The following GPR107 variants were observed in gnomAD, a reference collection of about 807,000 sequenced individuals.
GPR107 encodes the protein G protein-coupled receptor 107.
In GPR107, 31 loss-of-function variants were observed where a neutral mutation model predicts 75.5. The observed-to-expected ratio is 0.41, with a 90% CI of 0.31 to 0.55. The LOEUF (loss-of-function observed/expected upper bound fraction) is 0.55. Among genes scored for constraint, GPR107 ranks in the 20% least tolerant of loss-of-function variants. The probability of loss-of-function intolerance (pLI) is 0.26; values close to 1 mark genes in which losing one functional copy is unlikely to be tolerated. For missense variants in GPR107, 572 were observed against 665.7 expected, an observed-to-expected ratio of 0.86 and a Z score of 1.55; for synonymous variants, 267 against 251.3, an observed-to-expected ratio of 1.06 and a Z score of -0.59.
rs1003875738 is a variant in GPR107 at position 130,103,169 on chromosome 9, A to G, written c.1132-1251A>G. ...GCTTCACGAGCAGTGTGGGACAGGG[A>G]AGGACCCAGAAGCTGGGGGTCATTG... On this transcript the variant is annotated intron_variant, in intron 12 of 17. Transcript: ENST00000347136. The surrounding 1 kb of genome is among the most constrained non-coding windows in gnomAD (Gnocchi z 4.3). Among the ~76,000 whole-genome samples the G allele has an allele frequency of 3.3e-5, 5 of 152,124 alleles. No homozygotes were observed. Among genetic ancestry groups the G allele is most frequent in the African/African-American group, 1.2e-4 (5 of 41,424 alleles).
Position 130,114,029 on chromosome 9 carries a change from C to CTTT in GPR107, c.1306+6508_1306+6510dup, listed in dbSNP as rs60616601. ...CAAAAATAATTCTGGTCTTCTCATT[C>CTTT]TTTTTTTTTTTTTTTTTTTTCATTT... On this transcript the variant is annotated intron_variant, in intron 14 of 17. Coordinates refer to ENST00000347136, the MANE Select transcript of GPR107 (RefSeq NM_020960.5). Among the ~76,000 whole-genome samples, 32 of 90,646 alleles carry CTTT rather than the reference C, an allele frequency of 3.5e-4. 1 individual carries two copies. The highest frequency in any genetic ancestry group is 5.3e-4 in the African/African-American group (12 of 22,510). 59.5% of individuals were successfully genotyped at this position (90,646 alleles called of 152,430 possible).
intron 15 of GPR107, among the ~76,000 whole-genome samples, chr9:130,126,266 A>G (rs1466711052): frequency 1.3e-5 from 2 of 151,796 alleles, no homozygotes; most frequent in Admixed American, 1.3e-4. Context: ...TTAGGATCAT[A>G]ATTTCTTGGA....
chr9:130,109,689 C>T (rs1372847921), intron 14 of GPR107, among the ~76,000 whole-genome samples: 2 of 151,906 alleles, frequency 1.3e-5, no homozygotes, highest in Non-Finnish European at 2.9e-5. Flanking sequence ...CCTGCCTCAG[C>T]CTCCCAAATA....
intron 7 of GPR107, among the ~76,000 whole-genome samples, chr9:130,088,119 A>G (rs1015962097): frequency 6.6e-6 from 1 of 152,140 alleles, no homozygotes; most frequent in Admixed American, 6.5e-5. Flanking sequence ...GAACCCTCCA[A>G]CAGCTTTCCA....
intron 1 of GPR107, among the ~76,000 whole-genome samples, chr9:130,070,510 G>GC (rs1830178924): frequency 6.6e-6 from 1 of 152,038 alleles, no homozygotes; most frequent in South Asian, 2.1e-4. Flanking sequence ...CGCCATGTTG[G>GC]CCAGGAGGGC....
At chr9:130,078,275 G>T (rs1256745782) in intron 4 of GPR107, among the ~76,000 whole-genome samples, 2 of 152,108 alleles carry the variant, frequency 1.3e-5, no homozygotes, top group Non-Finnish European at 2.9e-5. Flanking sequence ...CTTTAAGGTA[G>T]GAATCATGTG....
Position 130,128,664 on chromosome 9 carries a change from G to C in GPR107, c.1465G>C (p.Val489Leu). ...YQLLDETATL[V>L]FFVLTGYKFR... is the part of the protein sequence containing the mutation. ...GCTCCTGGATGAAACGGCCACACTGGTCTTCTTTGTTCTAACGGGGTATAA... is the reference window on the plus strand; with the variant it reads ...GCTCCTGGATGAAACGGCCACACTGCTCTTCTTTGTTCTAACGGGGTATAA... Residue 489 changes from valine (V) to leucine (L), a missense_variant, in exon 17 of 18, where the codon GTC becomes CTC. Transcript: ENST00000347136. 6.2e-7 allele frequency: 1 copy of C among 1,611,646 alleles called. No individual in the cohort carries two copies. The highest frequency in any genetic ancestry group is 8.5e-7 in the Non-Finnish European group (1 of 1,177,722).
At chr9:130,085,625 C>T (rs1469796294) in intron 6 of GPR107, among the ~76,000 whole-genome samples, 1 of 151,994 alleles carries the variant, frequency 6.6e-6, no homozygotes, top group African/African-American at 2.4e-5. Context: ...TATAGAACTT[C>T]ATATAACTGA....
intron 14 of GPR107, among the ~76,000 whole-genome samples, chr9:130,108,992 CTTTTTTTTT>C (rs11316244): frequency 1.4e-4 from 9 of 66,066 alleles, no homozygotes; most frequent in African/African-American, 5.2e-4. Context: ...TGGGGATATT[CTTTTTTTTT>C]TTTTTTTTTT....
Position 130,137,498 on chromosome 9 carries a change from A to G in GPR107, c.*2377A>G, listed in dbSNP as rs1427619150. 6 of 152,296 alleles carry G rather than the reference A, an allele frequency of 3.9e-5. No homozygotes were observed. Among genetic ancestry groups the G allele is most frequent in the Non-Finnish European group, 5.9e-5 (4 of 68,072 alleles). The allele number at this position is 152,296 out of a possible 1,614,324, so 9.4% of individuals were successfully genotyped here. ...TTCCTAACAAGCAGGTCATCTGGCC[A>G]TGTCTGTATTGTAACTGGTAAAAGG... On this transcript the variant is annotated 3_prime_UTR_variant, in exon 18 of 18. Transcript: ENST00000347136.
chr9:130,054,008 A>G lies in GPR107; in HGVS notation c.76A>G (p.Met26Val), dbSNP rs575260013. The change falls in exon 1 of 18, where the codon ATG becomes GTG. Residue 26 changes from methionine (M) to valine (V), a missense_variant. By Grantham distance (21) the Met-to-Val change is conservative. Transcript: ENST00000347136. ...RLAAGLRLLP[M>V]LGLLQLLAEP... ...GGCCGCGGGCCTCCGGCTGCTCCCA[A>G]TGCTGGGTTTGCTGCAGTTGCTGGC... 4.9e-5 allele frequency: 76 copies of G among 1,554,094 alleles called. No homozygotes were observed. Among genetic ancestry groups the G allele is most frequent in the South Asian group, 3.1e-4 (26 of 84,392 alleles).
chr9:130,078,141 G>T (rs1830404081), intron 4 of GPR107, among the ~76,000 whole-genome samples: 2 of 151,834 alleles, frequency 1.3e-5, no homozygotes, highest in African/African-American at 4.8e-5. Context: ...CTCCAGCCTG[G>T]GTGAGAGAGT....
Position 130,118,234 on chromosome 9 carries a change from G to A in GPR107, c.1307-6681G>A, listed in dbSNP as rs572175214. ...TGCCCAGCCCAGCTTCTGGCACATG[G>A]TGATGACTCAGTTGATGGCAACGAC... On this transcript the variant is annotated intron_variant, in intron 14 of 17. Coordinates refer to ENST00000347136, the MANE Select transcript of GPR107 (RefSeq NM_020960.5). Among the ~76,000 whole-genome samples the A allele has an allele frequency of 3.3e-5, 5 of 152,292 alleles. No homozygotes were observed. In the East Asian group the frequency reaches 9.6e-4, roughly 29 times the overall value.
intron 9 of GPR107, among the ~76,000 whole-genome samples, chr9:130,097,478 A>G (rs1325577844): frequency 6.6e-6 from 1 of 151,976 alleles, no homozygotes; most frequent in African/African-American, 2.4e-5. Flanking sequence ...GTTAAGGGCC[A>G]GATTGCCTTC....
rs772257088 is a variant in GPR107 at position 130,128,700 on chromosome 9, G to A, written c.1501G>A (p.Ala501Thr). ...TCTAACGGGGTATAAATTCCGTCCG[G>A]CTTCAGATAACCCCTACCTACAACT... ...FVLTGYKFRPASDNPYLQLSQ... is the reference protein window; with the variant it reads ...FVLTGYKFRPTSDNPYLQLSQ... Residue 501 changes from alanine to threonine, a missense_variant, in exon 17 of 18, where the codon GCT becomes ACT. Coordinates refer to ENST00000347136, the MANE Select transcript of GPR107 (RefSeq NM_020960.5). The A allele has an allele frequency of 7.6e-5, 123 of 1,610,260 alleles. No individual in the cohort carries two copies. Among genetic ancestry groups the A allele is most frequent in the Non-Finnish European group, 1.0e-4 (118 of 1,176,616 alleles).
chr9:130,110,524 CAG>C (rs1371209210), intron 14 of GPR107: 8 of 726,032 alleles, frequency 1.1e-5, no homozygotes, highest in East Asian at 8.1e-5. Flanking sequence ...GAAAGAGGGA[CAG>C]AGCAGATTAG....
intron 10 of GPR107, 22 bp downstream of exon 10, chr9:130,099,554 A>C: frequency 7.2e-7 from 1 of 1,394,824 alleles, no homozygotes; most frequent in Non-Finnish European, 1.0e-6. Context: ...CATTTTGAGG[A>C]TCATTCATGA....
intron 10 of GPR107, 112 bp from the exon 11 acceptor site, chr9:130,100,517 G>A (rs528303687): frequency 8.6e-5 from 70 of 811,036 alleles, no homozygotes; most frequent in East Asian, 7.6e-4. Flanking sequence ...CAGTGGCAGC[G>A]TCACCAAATG....
intron 1 of GPR107, among the ~76,000 whole-genome samples, chr9:130,073,005 C>G (rs572600919): frequency 6.6e-6 from 1 of 152,276 alleles, no homozygotes; most frequent in South Asian, 2.1e-4. Flanking sequence ...GGAAATGAGG[C>G]AGAACCATTA....
Sources: allele counts gnomAD v4.1 joint callset (sites outside exome capture counted in the v4.1 genomes callset), GRCh38; gene constraint gnomAD v4.1.1; non-coding constraint Gnocchi (gnomAD v3.1); transcripts MANE v1.5; gene names NCBI Gene and HGNC (gene_info 2026-07-23, HGNC 2026-07-21).